SAE1: variants seen among roughly 807,000 people sequenced by gnomAD.
The protein encoded by SAE1 is SUMO1 activating enzyme subunit 1.
SAE1 carries 11 observed loss-of-function variants against 40.6 expected under a neutral mutation model. The observed-to-expected ratio is 0.27, with a 90% CI of 0.17 to 0.45. The LOEUF is 0.45. Among genes scored for constraint, SAE1 ranks in the 20% least tolerant of loss-of-function variants. The probability of loss-of-function intolerance (pLI) is 1.00; values close to 1 mark genes in which losing one functional copy is unlikely to be tolerated. For missense variants in SAE1, 373 were observed against 427.3 expected (o/e 0.87, Z 1.12); for synonymous variants, 155 against 154.3 (o/e 1.00, Z -0.03).
In SAE1 at chr19:47,209,142, T is replaced by C. The variant is rs1350142336; in HGVS notation, c.949-17T>C. 6 of 1,612,056 alleles carry C rather than the reference T, an allele frequency of 3.7e-6. No homozygotes were observed. The highest frequency in any genetic ancestry group is 1.3e-5 in the African/African-American group (1 of 74,808). On this transcript the variant is annotated splice_polypyrimidine_tract_variant and intron_variant, in intron 8 of 8. Coordinates refer to ENST00000270225, the MANE Select transcript of SAE1 (RefSeq NM_005500.3). ...TAAAGCACTTGAGCTAAACCCTCTT[T>C]TCATTTTTCTCCCCAGGCCCTGTCT...
At chr19:47,204,652 T>C (rs2058676545) in intron 8 of SAE1, among the ~76,000 whole-genome samples, 1 of 151,476 alleles carries the variant, frequency 6.6e-6, no homozygotes, top group Non-Finnish European at 1.5e-5. Flanking sequence ...GAGTACAGGT[T>C]CCCACCACCA....
At position 47,203,678 on chromosome 19, in the gene SAE1, T is replaced by C. The variant is rs2058667813; in HGVS notation, c.886T>C (p.Phe296Leu). The C allele has an allele frequency of 6.2e-7, 1 of 1,613,982 alleles. No homozygotes were observed. Among genetic ancestry groups the C allele is most frequent in the South Asian group, 1.1e-5 (1 of 91,074 alleles). The change falls in exon 8 of 9, where the codon TTC becomes CTC. Residue 296 changes from phenylalanine (F) to leucine (L), a missense_variant. This residue lies in a region of SAE1 where 351 missense variants were observed against 390.6 expected (regional missense o/e 0.90). Coordinates refer to ENST00000270225, the MANE Select transcript of SAE1 (RefSeq NM_005500.3). Reference protein sequence around the residue: ...LLPEDFVRYCFSEMAPVCAVV... With the variant: ...LLPEDFVRYCLSEMAPVCAVV... The stretch of plus-strand genomic sequence containing the variant: ...TGTCTTCCTCTCTTTTAGGTACTGC[T>C]TCTCCGAGATGGCCCCAGTGTGTGC...
At chr19:47,173,748 A>G (rs2058449626) in intron 6 of SAE1, among the ~76,000 whole-genome samples, 1 of 151,208 alleles carries the variant, frequency 6.6e-6, no homozygotes, top group Middle Eastern at 3.5e-3. Context: ...ATTATGCTAA[A>G]CTCAAAGGCC....
chr19:47,136,368 C>G (rs1216274571), intron 1 of SAE1, among the ~76,000 whole-genome samples: 1 of 151,918 alleles, frequency 6.6e-6, no homozygotes, highest in African/African-American at 2.4e-5. Context: ...AAACTCCTGG[C>G]TTCAGGTGAT....
chr19:47,149,545 CTTATAG>C (rs2058274809), intron 2 of SAE1, among the ~76,000 whole-genome samples: 1 of 152,102 alleles, frequency 6.6e-6, no homozygotes, highest in Admixed American at 6.6e-5. Context: ...TCCCCAAATG[CTTATAG>C]TTGGGCACAT....
At chr19:47,167,789 CAG>C (rs1366368248) in intron 5 of SAE1, among the ~76,000 whole-genome samples, 2 of 152,060 alleles carry the variant, frequency 1.3e-5, no homozygotes, top group Non-Finnish European at 2.9e-5. Context: ...TATAGAGACA[CAG>C]AGTCTATACC....
intron 1 of SAE1, among the ~76,000 whole-genome samples, chr19:47,135,014 C>T (rs1218933758): frequency 6.6e-6 from 1 of 151,932 alleles, no homozygotes; most frequent in South Asian, 2.1e-4. Flanking sequence ...CATTTTCAGC[C>T]GAGGTTTTTA....
intron 4 of SAE1, among the ~76,000 whole-genome samples, chr19:47,153,326 A>G (rs778623626): frequency 5.3e-5 from 8 of 152,134 alleles, no homozygotes; most frequent in Non-Finnish European, 1.0e-4. Flanking sequence ...ACCAAAGTCT[A>G]CCTTGGAAAA....
chr19:47,150,936 C>A (rs2058284147), intron 3 of SAE1, among the ~76,000 whole-genome samples: 1 of 152,162 alleles, frequency 6.6e-6, no homozygotes, highest in Non-Finnish European at 1.5e-5. Flanking sequence ...TATCCAGCCT[C>A]ATTTAGTTTC....
At chr19:47,161,756 G>C (rs1302680989) in intron 5 of SAE1, among the ~76,000 whole-genome samples, 1 of 152,006 alleles carries the variant, frequency 6.6e-6, no homozygotes, top group African/African-American at 2.4e-5. Flanking sequence ...TCCTCAGTTG[G>C]GTTTCTCATT....
At chr19:47,150,168 A>T in intron 2 of SAE1, 34 bp from the exon 3 acceptor site, 1 of 1,428,860 alleles carries the variant, frequency 7.0e-7, no homozygotes, top group Non-Finnish European at 9.4e-7. Context: ...CCCTAAAAAT[A>T]CAAGACTTAA....
chr19:47,175,560 A>G (rs1376372296), intron 6 of SAE1, among the ~76,000 whole-genome samples: 4 of 152,082 alleles, frequency 2.6e-5, no homozygotes, highest in Non-Finnish European at 5.9e-5. Flanking sequence ...AAGATGGTGA[A>G]ATCCCGTCTC....
intron 6 of SAE1, 26 bp from the exon 7 acceptor site, chr19:47,197,207 A>C: frequency 1.9e-6 from 3 of 1,580,626 alleles, no homozygotes; most frequent in Non-Finnish European, 2.6e-6. Context: ...TGGCTTTATA[A>C]CCTGCCTTCT....
intron 6 of SAE1, among the ~76,000 whole-genome samples, chr19:47,195,992 C>T (rs977629205): frequency 6.6e-6 from 1 of 151,318 alleles, no homozygotes; most frequent in Non-Finnish European, 1.5e-5. Context: ...CCTTGGCCCC[C>T]CAAAGTGTTG....
chr19:47,200,224 C>T lies in SAE1; in HGVS notation c.878+2847C>T, dbSNP rs569383170. On this transcript the variant is annotated intron_variant, in intron 7 of 8. Coordinates refer to ENST00000270225, the MANE Select transcript of SAE1 (RefSeq NM_005500.3). The stretch of plus-strand genomic sequence containing the variant: ...TTGGGATTACAAGTGTGAGCCACCA[C>T]GCCCAGCCTCTTTTTTTTTTTTTTT... Among the ~76,000 whole-genome samples the T allele has an allele frequency of 1.2e-3, 183 of 150,746 alleles. 1 individual carries two copies. The highest frequency in any genetic ancestry group is 6.9e-3 in the Middle Eastern group (2 of 288).
At chr19:47,134,500 G>A (rs481934) in intron 1 of SAE1, among the ~76,000 whole-genome samples, 1 of 152,078 alleles carries the variant, frequency 6.6e-6, no homozygotes, top group Admixed American at 6.6e-5. Flanking sequence ...TGTGCCTCTG[G>A]ACATAGGTGG....
Position 47,209,178 on chromosome 19 carries a change from C to G in SAE1, c.968C>G (p.Pro323Arg). 6.2e-7 allele frequency: 1 copy of G among 1,614,048 alleles called. No homozygotes were observed. The highest frequency in any genetic ancestry group is 8.5e-7 in the Non-Finnish European group (1 of 1,179,992). ...CCCCAGGCCCTGTCTCAGCGGGACC[C>G]TCCTCACAACAACTTCTTCTTCTTC... The part of the protein sequence containing the change: ...EIVKALSQRD[P>R]PHNNFFFFDG... The change falls in exon 9 of 9, where the codon CCT becomes CGT. Residue 323 changes from proline (P) to arginine (R), a missense_variant. Physicochemically the swap from Pro to Arg is moderately radical, Grantham distance 103 (BLOSUM62 -2). This residue lies in a region of SAE1 where 351 missense variants were observed against 390.6 expected (regional missense o/e 0.90). Coordinates refer to ENST00000270225, the MANE Select transcript of SAE1 (RefSeq NM_005500.3).
intron 5 of SAE1, among the ~76,000 whole-genome samples, chr19:47,166,644 A>C (rs1030789094): frequency 1.3e-5 from 2 of 152,096 alleles, no homozygotes; most frequent in Admixed American, 6.6e-5. Context: ...AAGACTCCGA[A>C]TTGAGCTCTT....
intron 2 of SAE1, 62 bp downstream of exon 2, chr19:47,143,667 C>A: frequency 1.6e-6 from 2 of 1,283,368 alleles, no homozygotes; most frequent in Non-Finnish European, 2.3e-6. Flanking sequence ...TGAAGATCTG[C>A]AGATTTTGTG....
Sources: gnomAD v4.1 joint callset for allele counts (sites outside exome capture counted in the v4.1 genomes callset) on GRCh38, gnomAD v4.1.1 for gene constraint, gnomAD v4.1.1 regional missense constraint, MANE v1.5 for transcripts, NCBI Gene and HGNC (gene_info 2026-07-23, HGNC 2026-07-21) for gene names.